Variants in BHMT observed in about 807,000 individuals in gnomAD.
The protein encoded by BHMT is betaine--homocysteine S-methyltransferase 1.
Under a neutral mutation model 49.5 loss-of-function variants are expected in BHMT, and 38 were observed. That is an observed-to-expected ratio of 0.77 (90% CI 0.59 to 1.01). BHMT has a LOEUF of 1.01. BHMT is among the 50% of genes least tolerant of loss of function. The probability of loss-of-function intolerance (pLI) is 0.00; values close to 1 mark genes in which losing one functional copy is unlikely to be tolerated. For missense variants in BHMT, 426 were observed against 495.7 expected, an observed-to-expected ratio of 0.86 and a Z score of 1.34; for synonymous variants, 166 against 176.3, an observed-to-expected ratio of 0.94 and a Z score of 0.46.
intron 1 of BHMT, 56 bp downstream of exon 1, chr5:79,111,974 C>G: frequency 1.3e-6 from 2 of 1,501,120 alleles, no homozygotes; most frequent in Non-Finnish European, 1.8e-6. Flanking sequence ...TGCTCTGTAT[C>G]CCAGCCTCTG....
At chr5:79,121,610 C>A (rs1353564719) in intron 5 of BHMT, among the ~76,000 whole-genome samples, 2 of 151,846 alleles carry the variant, frequency 1.3e-5, no homozygotes, top group African/African-American at 2.4e-5. Context: ...GTCAGGAGAT[C>A]GAGACCATCC....
In BHMT at chr5:79,126,071, C is replaced by A. The variant is rs143822893; in HGVS notation, c.651C>A (p.Cys217Ter). ...GAGCATCCATCATTGGTGTGAACTG[C>A]CACTTTGACCCCACCATTAGTTTAA... is the stretch of plus-strand genomic sequence containing the variant. Reference protein sequence around the residue: ...KAGASIIGVNCHFDPTISLKT... With the variant: ...KAGASIIGVN Residue 217 changes from cysteine to a stop codon, truncating the protein, a stop_gained, in exon 6 of 8, where the codon TGC becomes TGA. Coordinates refer to ENST00000274353, the MANE Select transcript of BHMT (RefSeq NM_001713.3). LOFTEE classifies it high-confidence loss of function. 1 of 1,607,052 alleles carries A rather than the reference C, an allele frequency of 6.2e-7. No individual in the cohort carries two copies. Among genetic ancestry groups the A allele is most frequent in the Non-Finnish European group, 8.5e-7 (1 of 1,174,086 alleles).
At chr5:79,123,240 C>G (rs1254231376) in intron 5 of BHMT, among the ~76,000 whole-genome samples, 1 of 152,058 alleles carries the variant, frequency 6.6e-6, no homozygotes, top group Non-Finnish European at 1.5e-5. Context: ...GTAACCTTAA[C>G]AAAAGCTGTT....
chr5:79,124,190 G>GA (rs1239363655), intron 5 of BHMT, among the ~76,000 whole-genome samples: 1 of 151,788 alleles, frequency 6.6e-6, no homozygotes, highest in Non-Finnish European at 1.5e-5. Context: ...TTGGGGTATC[G>GA]AAAAAATGTG....
At chr5:79,130,906 C>G (rs73769979) in intron 7 of BHMT, 27 bp from the exon 8 acceptor site, 45,243 of 1,558,524 alleles carry the variant, frequency 0.029, 1,029 homozygotes, top group South Asian at 0.08. Context: ...AGTCTGTTGT[C>G]TGGTGTCATG....
intron 2 of BHMT, among the ~76,000 whole-genome samples, chr5:79,118,723 C>T (rs1429452290): frequency 3.3e-5 from 5 of 152,194 alleles, no homozygotes; most frequent in Non-Finnish European, 7.3e-5. Context: ...TTTGCTCAGG[C>T]TATTCTCTCT....
intron 5 of BHMT, among the ~76,000 whole-genome samples, chr5:79,121,567 C>A (rs898255182): frequency 1.3e-5 from 2 of 152,092 alleles, no homozygotes; most frequent in South Asian, 2.1e-4. Flanking sequence ...GTAATCCCAG[C>A]ACTTTGGGAG....
chr5:79,123,152 A>G (rs1398575701), intron 5 of BHMT, among the ~76,000 whole-genome samples: 5 of 152,234 alleles, frequency 3.3e-5, no homozygotes, highest in African/African-American at 1.2e-4. Context: ...GTTGTCCACT[A>G]GGTTGCATAC....
chr5:79,115,920 T>C (rs376693924), intron 2 of BHMT, 21 bp downstream of exon 2: 1 of 1,594,212 alleles, frequency 6.3e-7, no homozygotes, highest in Non-Finnish European at 8.5e-7. Flanking sequence ...AGCTCTATTG[T>C]AAGTTCTCAT....
At chr5:79,128,041 C>T in intron 7 of BHMT, 58 bp downstream of exon 7, 1 of 1,537,944 alleles carries the variant, frequency 6.5e-7, no homozygotes, top group Admixed American at 2.0e-5. Flanking sequence ...TCAAGTGAGG[C>T]CATTTAGAAG....
chr5:79,124,927 A>T (rs58758350), intron 5 of BHMT, among the ~76,000 whole-genome samples: 3,617 of 152,240 alleles, frequency 0.024, 131 homozygotes, highest in African/African-American at 0.078. Context: ...TGTCTAAAAA[A>T]CTTTTTTCTA....
rs181567189 is a variant in BHMT, at chr5:79,120,980, G to A, written c.478-238G>A. On this transcript the variant is annotated intron_variant, in intron 4 of 7. Coordinates refer to ENST00000274353, the MANE Select transcript of BHMT (RefSeq NM_001713.3). Reference sequence around the variant, plus strand: ...AGCCTGGCCAACATGGTGAAACCCCGTCTCTACTAAAAATACAAAAATTAG... The same window carrying A: ...AGCCTGGCCAACATGGTGAAACCCCATCTCTACTAAAAATACAAAAATTAG... 3.1e-3 allele frequency among the ~76,000 whole-genome samples: 477 copies of A among 152,070 alleles called. 2 individuals are homozygous for A. The highest frequency in any genetic ancestry group is 0.011 in the African/African-American group (454 of 41,478).
rs778354008 is a variant in BHMT, at chr5:79,126,118, A to C, written c.698A>C (p.Glu233Ala). 3.1e-6 allele frequency: 5 copies of C among 1,613,282 alleles called. No homozygotes were observed. The highest frequency in any genetic ancestry group is 4.2e-6 in the Non-Finnish European group (5 of 1,179,386). Residue 233 changes from glutamate (E) to alanine (A), a missense_variant, in exon 6 of 8, where the codon GAG (glutamate) becomes GCG (alanine). This residue lies in a region of BHMT where 321 missense variants were observed against 355.9 expected (regional missense o/e 0.90). Coordinates refer to ENST00000274353, the MANE Select transcript of BHMT (RefSeq NM_001713.3). ...TTAAAAACAGTGAAGCTCATGAAGGAGGGCTTGGAGGCTGCCCGACTGAAA... is the reference window on the plus strand; with the variant it reads ...TTAAAAACAGTGAAGCTCATGAAGGCGGGCTTGGAGGCTGCCCGACTGAAA... Reference protein sequence around the residue: ...ISLKTVKLMKEGLEAARLKAH... With the variant: ...ISLKTVKLMKAGLEAARLKAH...
In BHMT at chr5:79,127,785, A is replaced by G. The variant is rs770893332; in HGVS notation, c.839A>G (p.Asp280Gly). Residue 280 changes from aspartate (D) to glycine (G), a missense_variant, in exon 7 of 8, where the codon GAT becomes GGT. Physicochemically the swap from Asp to Gly is moderately conservative, Grantham distance 94. Around this residue, in one of 3 missense-constraint regions of BHMT, gnomAD observed 321 missense variants for 355.9 expected, o/e 0.90. Transcript: ENST00000274353. ...GAACCCAGAGTTGCCACCAGATGGG[A>G]TATTCAAAAATACGCCAGAGAGGCC... is the stretch of plus-strand genomic sequence containing the variant. ...GLEPRVATRWDIQKYAREAYN... is the reference protein window; with the variant it reads ...GLEPRVATRWGIQKYAREAYN... The G allele has an allele frequency of 1.2e-6, 2 of 1,614,106 alleles. No individual in the cohort carries two copies. Among genetic ancestry groups the G allele is most frequent in the African/African-American group, 2.7e-5 (2 of 75,040 alleles).
intron 2 of BHMT, among the ~76,000 whole-genome samples, chr5:79,117,148 G>T (rs1352536458): frequency 6.6e-6 from 1 of 152,176 alleles, no homozygotes; most frequent in Admixed American, 6.5e-5. Flanking sequence ...TCAACTGTTT[G>T]GGATCACTGC....
intron 5 of BHMT, 64 bp downstream of exon 5, chr5:79,121,429 T>A: frequency 6.3e-7 from 1 of 1,585,020 alleles, no homozygotes; most frequent in Non-Finnish European, 8.6e-7. Context: ...AGTGCACATC[T>A]GTCTACAAAT....
At chr5:79,117,679 G>A (rs927433892) in intron 2 of BHMT, among the ~76,000 whole-genome samples, 9 of 152,142 alleles carry the variant, frequency 5.9e-5, no homozygotes, top group African/African-American at 1.4e-4. Flanking sequence ...CATCTCCAGC[G>A]TTAGCGCTGA....
intron 1 of BHMT, among the ~76,000 whole-genome samples, chr5:79,114,085 G>GTATATA (rs60812751): frequency 6.8e-6 from 1 of 146,052 alleles, no homozygotes. Flanking sequence ...GCTGGCAGTA[G>GTATATA]TATATATATA....
chr5:79,122,190 C>A (rs2112728089), intron 5 of BHMT, among the ~76,000 whole-genome samples: 1 of 152,216 alleles, frequency 6.6e-6, no homozygotes, highest in South Asian at 2.1e-4. Context: ...ATCCACCCGC[C>A]TCGGCCTCCC....
Sources: allele counts gnomAD v4.1 joint callset (sites outside exome capture counted in the v4.1 genomes callset), GRCh38; gene constraint gnomAD v4.1.1; regional missense constraint gnomAD v4.1.1; transcripts MANE v1.5; gene names NCBI Gene and HGNC (gene_info 2026-07-23, HGNC 2026-07-21).